Variants in CNTN5 observed in about 807,000 individuals in gnomAD.
CNTN5 encodes the protein contactin 5.
A neutral mutation model predicts 129.1 loss-of-function variants in CNTN5; 77 were observed. The observed-to-expected ratio is 0.60, with a 90% CI of 0.50 to 0.72. The LOEUF is 0.72. Ranked by LOEUF, CNTN5 falls within the 30% of genes least tolerant of loss-of-function variation. The pLI is 0.00. For synonymous variants in CNTN5, 509 were observed against 465.6 expected, an observed-to-expected ratio of 1.09 and a Z score of -1.20; for missense variants, 1,478 against 1,328.8, an observed-to-expected ratio of 1.11 and a Z score of -1.75.
intron 2 of CNTN5, among the ~76,000 whole-genome samples, chr11:99,337,062 G>A (rs1298665019): frequency 6.6e-6 from 1 of 152,108 alleles, no homozygotes; most frequent in African/African-American, 2.4e-5. Context: ...AGGGGAATCA[G>A]TGTATTTCTT....
chr11:99,778,188 T>C (rs891825249), intron 3 of CNTN5, among the ~76,000 whole-genome samples: 4 of 151,812 alleles, frequency 2.6e-5, no homozygotes, highest in African/African-American at 9.7e-5. Flanking sequence ...AGGCAAAAAC[T>C]TTGTGATGGA....
intron 2 of CNTN5, among the ~76,000 whole-genome samples, chr11:99,442,885 C>T (rs1005652463): frequency 6.6e-6 from 1 of 152,160 alleles, no homozygotes; most frequent in African/African-American, 2.4e-5. Flanking sequence ...GGAAGGGTAA[C>T]ATTCCTGGTA....
intron 13 of CNTN5, among the ~76,000 whole-genome samples, chr11:100,179,547 T>C (rs1472335894): frequency 2.6e-5 from 4 of 152,154 alleles, no homozygotes; most frequent in Middle Eastern, 6.8e-3. Context: ...TTTTCTATAG[T>C]TCAACCAAAT....
chr11:99,196,255 G>GC (rs1202482130), intron 1 of CNTN5, among the ~76,000 whole-genome samples: 2 of 151,378 alleles, frequency 1.3e-5, no homozygotes, highest in African/African-American at 2.4e-5. Context: ...CCTTATATTT[G>GC]CCACATGCAT....
chr11:99,155,626 T>G (rs1175491076), intron 1 of CNTN5, among the ~76,000 whole-genome samples: 1 of 152,198 alleles, frequency 6.6e-6, no homozygotes, highest in Non-Finnish European at 1.5e-5. Context: ...AATTTAAATT[T>G]TATTGTTGCT....
chr11:100,056,499 G>C (rs1334859477), intron 9 of CNTN5, among the ~76,000 whole-genome samples: 1 of 151,398 alleles, frequency 6.6e-6, no homozygotes, highest in Non-Finnish European at 1.5e-5. Context: ...TTCTTAAAAG[G>C]ATAACTTAAA....
At chr11:99,039,283 T>C (rs1162754662) in intron 1 of CNTN5, among the ~76,000 whole-genome samples, 1 of 152,134 alleles carries the variant, frequency 6.6e-6, no homozygotes, top group Non-Finnish European at 1.5e-5. Context: ...TATTTAAGAA[T>C]GGGAGCAGAC....
chr11:100,170,125 G>C (rs1947778774), intron 13 of CNTN5, among the ~76,000 whole-genome samples: 1 of 151,870 alleles, frequency 6.6e-6, no homozygotes, highest in Non-Finnish European at 1.5e-5. Flanking sequence ...AATAATAATT[G>C]AACGCCTTCT....
chr11:100,217,889 G>A (rs781760539), intron 15 of CNTN5, among the ~76,000 whole-genome samples: 7 of 152,112 alleles, frequency 4.6e-5, no homozygotes, highest in Non-Finnish European at 1.0e-4. Context: ...TACTACTCCT[G>A]CCTAGAATTC....
rs1437194509 is a variant in CNTN5, at chr11:99,965,429, T to C, written c.877+8420T>C. Among the ~76,000 whole-genome samples the C allele has an allele frequency of 9.9e-5, 15 of 152,244 alleles. No individual in the cohort carries two copies. In the South Asian group the frequency reaches 2.3e-3, roughly 23 times the overall value. ...CATTTCGTTATGTACCCAGTAGTCA[T>C]TCAGGAGCAGGTTGTTCAGTTTCCA... is the stretch of plus-strand genomic sequence containing the variant. On this transcript the variant is annotated intron_variant, in intron 8 of 24. Transcript: ENST00000524871.
At chr11:99,257,591 A>T (rs1360682681) in intron 1 of CNTN5, among the ~76,000 whole-genome samples, 1 of 152,018 alleles carries the variant, frequency 6.6e-6, no homozygotes, top group African/African-American at 2.4e-5. Context: ...TTTATTTTTA[A>T]TATTGAAATG....
intron 8 of CNTN5, among the ~76,000 whole-genome samples, chr11:99,960,689 T>C (rs1407771475): frequency 6.6e-6 from 1 of 152,140 alleles, no homozygotes; most frequent in African/African-American, 2.4e-5. Context: ...ATTAGTAGTT[T>C]GGATAACAGT....
In CNTN5 at chr11:99,676,003, C is replaced by T. The variant is rs1379878822; in HGVS notation, c.55+119734C>T. On this transcript the variant is annotated intron_variant, in intron 3 of 24. Transcript: ENST00000524871. ...TTTTCACTACCATCATCTCAGAACT[C>T]TGAGAGTGTTTGTAGATGCCACTCT... Among the ~76,000 whole-genome samples, 5 of 152,270 alleles carry T rather than the reference C, an allele frequency of 3.3e-5. No homozygotes were observed. The East Asian group carries it at 9.7e-4, about 29-fold the overall frequency.
intron 2 of CNTN5, among the ~76,000 whole-genome samples, chr11:99,368,302 A>G (rs1274551075): frequency 6.6e-6 from 1 of 152,140 alleles, no homozygotes; most frequent in Non-Finnish European, 1.5e-5. Context: ...CAGAAGATAA[A>G]ATAAATCCAC....
intron 20 of CNTN5, among the ~76,000 whole-genome samples, chr11:100,306,228 T>A (rs989932212): frequency 5.3e-5 from 8 of 151,714 alleles, no homozygotes; most frequent in African/African-American, 1.9e-4. Context: ...AAATAAAAGT[T>A]AAGGTGCTTG....
At chr11:99,272,846 ATAAAC>A (rs1863239041) in intron 1 of CNTN5, among the ~76,000 whole-genome samples, 1 of 152,030 alleles carries the variant, frequency 6.6e-6, no homozygotes, top group African/African-American at 2.4e-5. Flanking sequence ...AAGCATAAAT[ATAAAC>A]TAGTTTATCT....
intron 2 of CNTN5, among the ~76,000 whole-genome samples, chr11:99,332,797 A>AT (rs1462385380): frequency 6.6e-6 from 1 of 152,110 alleles, no homozygotes; most frequent in African/African-American, 2.4e-5. Flanking sequence ...GTCTATTAGT[A>AT]TCCAAGATCA....
chr11:99,067,792 TTAAG>T (rs1865164406), intron 1 of CNTN5, among the ~76,000 whole-genome samples: 1 of 152,264 alleles, frequency 6.6e-6, no homozygotes, highest in African/African-American at 2.4e-5. Context: ...TATTAATTTA[TTAAG>T]TAATTAATGC....
intron 15 of CNTN5, among the ~76,000 whole-genome samples, chr11:100,208,154 A>C (rs532559753): frequency 5.9e-5 from 9 of 152,320 alleles, no homozygotes; most frequent in Non-Finnish European, 1.2e-4. Context: ...TGTTATCCTA[A>C]ATATATAGAG....
Sources: allele counts gnomAD v4.1 joint callset (sites outside exome capture counted in the v4.1 genomes callset), GRCh38; gene constraint gnomAD v4.1.1; transcripts MANE v1.5; gene names NCBI Gene and HGNC (gene_info 2026-07-23, HGNC 2026-07-21).